Variants in PPFIA3 observed in about 807,000 individuals in gnomAD.
PPFIA3 encodes PPFI scaffold protein A3.
In PPFIA3, 26 loss-of-function variants were observed where a neutral mutation model predicts 145.8. The ratio of observed to expected loss-of-function variants is 0.18; its 90% CI spans 0.13 to 0.25. The LOEUF (loss-of-function observed/expected upper bound fraction) is 0.25, where lower values mean the gene tolerates loss of function less well. PPFIA3 is among the 10% of genes least tolerant of loss of function. The probability of loss-of-function intolerance (pLI) is 1.00; values close to 1 mark genes in which losing one functional copy is unlikely to be tolerated. For missense variants in PPFIA3, 1,008 were observed against 1,587.8 expected (o/e 0.63, Z 6.21); for synonymous variants, 645 against 661.4 (o/e 0.98, Z 0.38).
At position 49,135,856 on chromosome 19, in the gene PPFIA3, A is replaced by G. The variant is rs201454194; in HGVS notation, c.1598A>G (p.Tyr533Cys). 3.2e-5 allele frequency: 52 copies of G among 1,613,784 alleles called. No individual in the cohort carries two copies. In the East Asian group the frequency reaches 1.0e-3, roughly 31 times the overall value. The change falls in exon 14 of 30, where the codon TAT (tyrosine) becomes TGT (cysteine). Residue 533 changes from tyrosine (Y) to cysteine (C), a missense_variant. Tyr to Cys is a radical substitution (Grantham distance 194, BLOSUM62 -2). Around this residue, in one of 11 missense-constraint regions of PPFIA3, gnomAD observed 121 missense variants for 138.2 expected, o/e 0.88. Transcript: ENST00000334186. ...CCTTCTGGTGCCCACCTGGATCCCT[A>G]TGTGGCTGGCAGTGGTCGGGCAGGC... Reference protein sequence around the residue: ...TLPSGAHLDPYVAGSGRAGKR... With the variant: ...TLPSGAHLDPCVAGSGRAGKR...
At chr19:49,144,572 G>A (rs1307448808) in intron 21 of PPFIA3, among the ~76,000 whole-genome samples, 1 of 152,000 alleles carries the variant, frequency 6.6e-6, no homozygotes, top group Admixed American at 6.6e-5. Flanking sequence ...AAATTAGTCG[G>A]GTGTGGTGGC....
intron 21 of PPFIA3, 67 bp from the exon 22 acceptor site, chr19:49,145,876 A>C: frequency 7.1e-7 from 1 of 1,413,402 alleles, no homozygotes; most frequent in Non-Finnish European, 1.0e-6. Flanking sequence ...CTTCAGGAGG[A>C]CACCCTCCTT....
At chr19:49,139,142 A>G (rs1429687243) in intron 16 of PPFIA3, among the ~76,000 whole-genome samples, 2 of 152,090 alleles carry the variant, frequency 1.3e-5, no homozygotes, top group East Asian at 3.9e-4. Context: ...CCTGACCAAC[A>G]TGGTGAAACC....
Position 49,138,345 on chromosome 19 carries a change from C to T in PPFIA3, c.1994C>T (p.Ala665Val). ...LPPSLTTSTL[A>V]SPSPPSSGHS... ...CCCTCCCTCACCACCTCTACCCTTG[C>T]CAGCCCCTCCCCTCCCAGCTCTGGC... Residue 665 changes from alanine (A) to valine (V), a missense_variant, in exon 16 of 30, where the codon GCC becomes GTC. This residue lies in a region of PPFIA3 where 202 missense variants were observed against 241.8 expected (regional missense o/e 0.84). Coordinates refer to ENST00000334186, the MANE Select transcript of PPFIA3 (RefSeq NM_003660.4). The T allele has an allele frequency of 1.2e-6, 2 of 1,609,782 alleles. No homozygotes were observed. Among genetic ancestry groups the T allele is most frequent in the Non-Finnish European group, 8.5e-7 (1 of 1,177,978 alleles).
intron 18 of PPFIA3, among the ~76,000 whole-genome samples, chr19:49,140,947 C>T (rs2041215130): frequency 1.3e-5 from 2 of 152,138 alleles, no homozygotes; most frequent in African/African-American, 4.8e-5. Context: ...AGCCACCGTG[C>T]CCAGCCACCT....
intron 7 of PPFIA3, among the ~76,000 whole-genome samples, chr19:49,132,448 G>C (rs2041087739): frequency 6.7e-6 from 1 of 149,480 alleles, no homozygotes; most frequent in African/African-American, 2.5e-5. Flanking sequence ...CCTTCATCTG[G>C]GATTTTAAGC....
intron 23 of PPFIA3, 97 bp downstream of exon 23, chr19:49,146,289 T>C: frequency 7.0e-7 from 1 of 1,437,822 alleles, no homozygotes; most frequent in East Asian, 2.3e-5. Flanking sequence ...CACCAGAACA[T>C]GCCATCATCC....
chr19:49,146,832 A>C lies in PPFIA3; in HGVS notation c.2835+640A>C, dbSNP rs568005814. Among the ~76,000 whole-genome samples the C allele has an allele frequency of 1.7e-3, 256 of 152,274 alleles. 6 individuals carry two copies. Among genetic ancestry groups the C allele is most frequent in the Non-Finnish European group, 1.0e-3 (70 of 68,016 alleles). ...GTAATCCCAGCTACTTGGGAGGCTGAGGCAGGAGAATCGCTTGAACCCAGG... is the reference window on the plus strand; with the variant it reads ...GTAATCCCAGCTACTTGGGAGGCTGCGGCAGGAGAATCGCTTGAACCCAGG... On this transcript the variant is annotated intron_variant, in intron 23 of 29. Coordinates refer to ENST00000334186, the MANE Select transcript of PPFIA3 (RefSeq NM_003660.4).
At position 49,128,515 on chromosome 19, in the gene PPFIA3, G is replaced by A. The variant is rs2041031879; in HGVS notation, c.342+47G>A. On this transcript the variant is annotated intron_variant, in intron 3 of 29. Coordinates refer to ENST00000334186, the MANE Select transcript of PPFIA3 (RefSeq NM_003660.4). This position sits in a 1 kb window ranked among gnomAD's most constrained non-coding sequence, Gnocchi z 4.1. ...GCCTAAGTGGGGGCGGGGCCTCGTG[G>A]TGTTGAAGTGGGGGGCGGGGCCTCT... 1 of 1,520,928 alleles carries A rather than the reference G, an allele frequency of 6.6e-7. No individual in the cohort carries two copies. 94.2% of individuals were successfully genotyped at this position (1,520,928 alleles called of 1,614,324 possible).
Position 49,130,462 on chromosome 19 carries a change from G to A in PPFIA3, c.742G>A (p.Glu248Lys). 6.2e-7 allele frequency: 1 copy of A among 1,608,792 alleles called. No individual in the cohort carries two copies. Among genetic ancestry groups the A allele is most frequent in the Non-Finnish European group, 8.5e-7 (1 of 1,178,182 alleles). Residue 248 changes from glutamate (E) to lysine (K), a missense_variant, in exon 7 of 30, where the codon GAG becomes AAG. Glu to Lys is a moderately conservative substitution (Grantham distance 56). Around this residue, in one of 11 missense-constraint regions of PPFIA3, gnomAD observed 136 missense variants for 160.7 expected, o/e 0.85. Transcript: ENST00000334186. The surrounding 1 kb of genome is among the most constrained non-coding windows in gnomAD (Gnocchi z 4.5). ...GGAGGCCCTGGAGCGGCAGCGCGCC[G>A]AGGTGTGCCAGCTGCGGGAGCGCCT... ...LEEALERQRA[E>K]VCQLRERLAV...
intron 24 of PPFIA3, 107 bp downstream of exon 24, chr19:49,148,365 T>C: frequency 2.4e-6 from 3 of 1,256,932 alleles, no homozygotes; most frequent in Non-Finnish European, 2.2e-6. Context: ...ATCTTGGCCC[T>C]TTTAGCCTGA....
chr19:49,121,189 C>T (rs1162362588), intron 1 of PPFIA3, among the ~76,000 whole-genome samples: 1 of 152,220 alleles, frequency 6.6e-6, no homozygotes, highest in Non-Finnish European at 1.5e-5. Flanking sequence ...TTCCCCTTCT[C>T]CAAGTACACT....
intron 1 of PPFIA3, among the ~76,000 whole-genome samples, chr19:49,124,645 A>G (rs767810232): frequency 7.2e-5 from 11 of 152,202 alleles, no homozygotes; most frequent in South Asian, 4.1e-4. Context: ...TACTGTGTGT[A>G]GTAACCTTCT....
At position 49,128,219 on chromosome 19, in the gene PPFIA3, G is replaced by A; in HGVS notation, c.240+106G>A. ...GCCTGGAAGGGAGGAGTCTGGGCGA[G>A]GCTTGCCGTTAATGGGCGGGGCCTG... On this transcript the variant is annotated intron_variant, in intron 2 of 29. Transcript: ENST00000334186. The surrounding 1 kb of genome is among the most constrained non-coding windows in gnomAD (Gnocchi z 4.1). 2 of 1,486,224 alleles carry A rather than the reference G, an allele frequency of 1.3e-6. No homozygotes were observed. Among genetic ancestry groups the A allele is most frequent in the Non-Finnish European group, 1.8e-6 (2 of 1,104,322 alleles). 92.1% of individuals were successfully genotyped at this position (1,486,224 alleles called of 1,614,324 possible).
intron 1 of PPFIA3, among the ~76,000 whole-genome samples, chr19:49,125,960 G>C (rs547446249): frequency 6.7e-6 from 1 of 149,180 alleles, no homozygotes; most frequent in African/African-American, 2.5e-5. Flanking sequence ...TGTTTGTTTT[G>C]TTTTTTTTTG....
intron 5 of PPFIA3, 152 bp downstream of exon 5, chr19:49,129,606 C>A: frequency 1.2e-6 from 1 of 812,480 alleles, no homozygotes; most frequent in Non-Finnish European, 1.9e-6. Flanking sequence ...GGAGAGAAAC[C>A]AGTGGGGTTC....
chr19:49,129,537 G>A, intron 5 of PPFIA3, 83 bp downstream of exon 5: 3 of 1,416,560 alleles, frequency 2.1e-6, no homozygotes, highest in Non-Finnish European at 1.9e-6. Flanking sequence ...GGTTGGGTGG[G>A]TTCCAGAGAG....
In PPFIA3 at chr19:49,137,628, CAAAAAAAAAA is replaced by C. The variant is rs3032695; in HGVS notation, c.1854-556_1854-547del. Among the ~76,000 whole-genome samples the C allele has an allele frequency of 3.3e-3, 144 of 43,782 alleles. 1 individual carries two copies. Among genetic ancestry groups the C allele is most frequent in the Middle Eastern group, 0.031 (1 of 32 alleles). 28.7% of individuals were successfully genotyped at this position (43,782 alleles called of 152,430 possible). ...TGGGCTACAGAGCGAGACTCCGTGT[CAAAAAAAAAA>C]AAAAAAAAAAAAAAAAAAAAGTCCC... is the stretch of plus-strand genomic sequence containing the variant. On this transcript the variant is annotated intron_variant, in intron 15 of 29. Transcript: ENST00000334186.
intron 18 of PPFIA3, among the ~76,000 whole-genome samples, 181 bp from the exon 19 acceptor site, chr19:49,141,239 G>A (rs899368194): frequency 1.3e-5 from 2 of 152,180 alleles, no homozygotes; most frequent in South Asian, 2.1e-4. Context: ...GCATCCAGCC[G>A]TATTTTGGGG....
Sources: gnomAD v4.1 joint callset for allele counts (sites outside exome capture counted in the v4.1 genomes callset) on GRCh38, gnomAD v4.1.1 for gene constraint, gnomAD v4.1.1 regional missense constraint, Gnocchi (gnomAD v3.1) non-coding constraint, MANE v1.5 for transcripts, NCBI Gene and HGNC (gene_info 2026-07-23, HGNC 2026-07-21) for gene names.